TP63: variants seen among roughly 807,000 people sequenced by gnomAD.
TP63 encodes tumor protein 63.
TP63 carries 17 observed loss-of-function variants against 82.8 expected under a neutral mutation model. That is an observed-to-expected ratio of 0.21 (90% confidence interval 0.14 to 0.31). The LOEUF is 0.31. TP63 is among the 10% of genes least tolerant of loss of function. The probability of loss-of-function intolerance (pLI) is 1.00; values close to 1 mark genes in which losing one functional copy is unlikely to be tolerated. For synonymous variants in TP63, 330 were observed against 321.7 expected (o/e 1.03, Z -0.28); for missense variants, 648 against 895.3 (o/e 0.72, Z 3.52).
At chr3:189,859,159 C>T (rs533436337) in intron 4 of TP63, among the ~76,000 whole-genome samples, 10 of 152,014 alleles carry the variant, frequency 6.6e-5, no homozygotes, top group South Asian at 4.2e-4. Flanking sequence ...ATGTTTAAGG[C>T]GATGGATATA....
intron 1 of TP63, among the ~76,000 whole-genome samples, chr3:189,703,386 A>C (rs953136659): frequency 6.6e-6 from 1 of 151,976 alleles, no homozygotes; most frequent in Non-Finnish European, 1.5e-5. Context: ...AGATCGTGCC[A>C]CTGCACTCCA....
intron 3 of TP63, among the ~76,000 whole-genome samples, chr3:189,801,111 C>CGTG (rs1726260020): frequency 2.0e-5 from 3 of 152,132 alleles, no homozygotes; most frequent in Non-Finnish European, 4.4e-5. Flanking sequence ...TTTTTAAACT[C>CGTG]ACTTTCCAAA....
At chr3:189,749,194 G>A (rs75492105) in intron 3 of TP63, among the ~76,000 whole-genome samples, 14,726 of 151,928 alleles carry the variant, frequency 0.097, 795 homozygotes, top group East Asian at 0.11. Flanking sequence ...TAAAAATGGG[G>A]CTATTAAACT....
intron 9 of TP63, among the ~76,000 whole-genome samples, chr3:189,870,358 TAAC>T (rs1015954919): frequency 1.3e-5 from 2 of 152,114 alleles, no homozygotes; most frequent in Admixed American, 6.5e-5. Context: ...AATACAAATA[TAAC>T]AACAATATAG....
chr3:189,866,192 T>TGGCACTCC (rs1222104760), intron 5 of TP63, among the ~76,000 whole-genome samples: 1 of 152,180 alleles, frequency 6.6e-6, no homozygotes, highest in Non-Finnish European at 1.5e-5. Context: ...ATCAACACAA[T>TGGCACTCC]GTTTAAAAGT....
chr3:189,664,821 C>G (rs1352533474), intron 1 of TP63, among the ~76,000 whole-genome samples: 1 of 151,978 alleles, frequency 6.6e-6, no homozygotes, highest in East Asian at 1.9e-4. Context: ...AATCCATAGC[C>G]TTTTATGTGT....
chr3:189,605,138 C>A, the TP63 span, among the ~76,000 whole-genome samples: 4 of 152,322 alleles, frequency 2.6e-5, no homozygotes, highest in South Asian at 8.3e-4. Context: ...CTGTGTCCTT[C>A]TTGGGGCATA....
At chr3:189,642,146 GTAT>G (rs370477070) in intron 1 of TP63, among the ~76,000 whole-genome samples, 2,044 of 152,200 alleles carry the variant, frequency 0.013, 24 homozygotes, top group East Asian at 0.045. Flanking sequence ...GCTTTGAATA[GTAT>G]TATTTTTAAA....
chr3:189,707,032 G>A (rs545948185), intron 1 of TP63, among the ~76,000 whole-genome samples: 1 of 151,924 alleles, frequency 6.6e-6, no homozygotes, highest in Admixed American at 6.5e-5. Flanking sequence ...TTTTAGCAGT[G>A]TATATACAGA....
At chr3:189,597,697 G>C in the TP63 span, among the ~76,000 whole-genome samples, 4 of 152,110 alleles carry the variant, frequency 2.6e-5, no homozygotes, top group Non-Finnish European at 4.4e-5. Context: ...GGCCAGGCTG[G>C]GTGAATTGCT....
chr3:189,826,783 T>G (rs1711514043), intron 4 of TP63, among the ~76,000 whole-genome samples: 1 of 152,224 alleles, frequency 6.6e-6, no homozygotes, highest in Non-Finnish European at 1.5e-5. Flanking sequence ...GGTATGCATG[T>G]GCACACATGT....
chr3:189,705,112 A>G (rs1026277713), intron 1 of TP63, among the ~76,000 whole-genome samples: 4 of 152,216 alleles, frequency 2.6e-5, no homozygotes, highest in Non-Finnish European at 5.9e-5. Context: ...TAAAAATCCA[A>G]TTTAGCAACT....
At chr3:189,714,248 C>G (rs1055924372) in intron 1 of TP63, among the ~76,000 whole-genome samples, 1 of 152,148 alleles carries the variant, frequency 6.6e-6, no homozygotes, top group African/African-American at 2.4e-5. Flanking sequence ...GTTCTGCCTT[C>G]AAGTTCTATT....
chr3:189,796,416 G>C (rs1320398639), intron 3 of TP63, among the ~76,000 whole-genome samples: 2 of 151,934 alleles, frequency 1.3e-5, no homozygotes, highest in African/African-American at 4.8e-5. Flanking sequence ...AACAGGGCAG[G>C]GGAGGGTAGG....
chr3:189,606,505 ATTTTTTTTTTTTT>A, the TP63 span, among the ~76,000 whole-genome samples: 3 of 67,272 alleles, frequency 4.5e-5, no homozygotes, highest in African/African-American at 1.8e-4. Context: ...TAAGATGGCC[ATTTTTTTTTTTTT>A]TTTTTTTTTT....
At chr3:189,764,621 T>C (rs1020812631) in intron 3 of TP63, among the ~76,000 whole-genome samples, 1 of 152,186 alleles carries the variant, frequency 6.6e-6, no homozygotes, top group Non-Finnish European at 1.5e-5. Context: ...CTCTTTTGTC[T>C]ACTAAAGTTA....
intron 3 of TP63, among the ~76,000 whole-genome samples, chr3:189,799,525 T>G (rs1265232074): frequency 6.6e-6 from 1 of 152,106 alleles, no homozygotes; most frequent in African/African-American, 2.4e-5. Flanking sequence ...AACACTGCCT[T>G]GGCACAAAAG....
chr3:189,720,452 G>A (rs932165242), intron 1 of TP63, among the ~76,000 whole-genome samples: 19 of 152,112 alleles, frequency 1.2e-4, no homozygotes, highest in African/African-American at 4.3e-4. Flanking sequence ...ACTTTAGATA[G>A]TGCATCTCTT....
intron 1 of TP63, among the ~76,000 whole-genome samples, chr3:189,727,579 ATTTTC>A (rs1026519056): frequency 2.6e-5 from 4 of 151,816 alleles, no homozygotes; most frequent in Admixed American, 1.3e-4. Flanking sequence ...CTTTTTCCAT[ATTTTC>A]TTTTCTTTTT....
Sources: allele counts gnomAD v4.1 joint callset (sites outside exome capture counted in the v4.1 genomes callset), GRCh38; gene constraint gnomAD v4.1.1; transcripts MANE v1.5; gene names NCBI Gene and HGNC (gene_info 2026-07-23, HGNC 2026-07-21).